Variants in LRP12 observed in about 807,000 individuals in gnomAD.
LRP12 encodes LDL receptor related protein 12.
A neutral mutation model predicts 66.0 loss-of-function variants in LRP12; 14 were observed. The observed-to-expected ratio is 0.21, with a 90% CI of 0.14 to 0.33. LRP12 has a LOEUF of 0.33. LRP12 is among the 10% of genes least tolerant of loss of function. LRP12 has a pLI of 1.00. For missense variants in LRP12, 889 were observed against 1,053.4 expected (o/e 0.84, Z 2.16); for synonymous variants, 357 against 359.1 (o/e 0.99, Z 0.07).
rs754375007 is a variant in LRP12, at chr8:104,491,469, A to G, written c.1784T>C (p.Met595Thr). 1 of 1,614,052 alleles carries G rather than the reference A, an allele frequency of 6.2e-7. No individual in the cohort carries two copies. The highest frequency in any genetic ancestry group is 1.1e-5 in the South Asian group (1 of 91,076). The change falls in exon 7 of 7, where the codon ATG (methionine) becomes ACG (threonine). Residue 595 changes from methionine (M) to threonine (T), a missense_variant. This residue lies in a region of LRP12 where 800 missense variants were observed against 964.5 expected (regional missense o/e 0.83). Transcript: ENST00000276654. ...CCAAATGTTGCTTGATCTGCCTGCC[A>G]TAGGAAGCCTGACTGAAGTAAATCC... The part of the protein sequence containing the change: ...QLGFTSVRLP[M>T]AGRSSNIWNR...
chr8:104,513,314 A>G (rs1811023778), intron 2 of LRP12, among the ~76,000 whole-genome samples: 2 of 152,052 alleles, frequency 1.3e-5, no homozygotes, highest in African/African-American at 4.8e-5. Flanking sequence ...AAACTACTAA[A>G]TTTTTGGGGG....
intron 1 of LRP12, chr8:104,566,014 G>A (rs78753696): frequency 0.021 from 3,853 of 183,544 alleles, 107 homozygotes; most frequent in African/African-American, 0.064. Context: ...GGGAGAGGAC[G>A]CAGCAAAATA....
chr8:104,531,800 AG>A, intron 2 of LRP12, 106 bp downstream of exon 2: 1 of 726,666 alleles, frequency 1.4e-6, no homozygotes, highest in Non-Finnish European at 2.4e-6. Flanking sequence ...TGCAAAAAGC[AG>A]TAATAATTTT....
intron 1 of LRP12, among the ~76,000 whole-genome samples, chr8:104,565,511 C>T (rs1811983494): frequency 6.6e-6 from 1 of 152,148 alleles, no homozygotes; most frequent in Admixed American, 6.5e-5. Context: ...CAAACCATTA[C>T]TCAAACGTGA....
intron 1 of LRP12, among the ~76,000 whole-genome samples, chr8:104,581,472 C>T (rs1381435701): frequency 6.6e-6 from 1 of 151,588 alleles, no homozygotes; most frequent in Non-Finnish European, 1.5e-5. Flanking sequence ...TACAACAAAC[C>T]CCCATGACAC....
chr8:104,540,830 T>C (rs935900624), intron 1 of LRP12, among the ~76,000 whole-genome samples: 66 of 152,292 alleles, frequency 4.3e-4, no homozygotes, highest in African/African-American at 1.2e-3. Flanking sequence ...GACTCCCTGG[T>C]TAAAGCAATT....
intron 2 of LRP12, among the ~76,000 whole-genome samples, chr8:104,526,275 C>G (rs1162725296): frequency 6.6e-6 from 1 of 152,034 alleles, no homozygotes; most frequent in African/African-American, 2.4e-5. Flanking sequence ...TTTATAGATT[C>G]AATGCCATCC....
chr8:104,587,899 TTCAG>T (rs1167663708), intron 1 of LRP12, among the ~76,000 whole-genome samples: 4 of 152,230 alleles, frequency 2.6e-5, no homozygotes, highest in African/African-American at 9.6e-5. Context: ...GAAATACCTA[TTCAG>T]TGTGTTTAAC....
In LRP12 at chr8:104,491,477, C is replaced by T. The variant is rs1373803912; in HGVS notation, c.1776G>A (p.Arg592=). 1 of 1,613,818 alleles carries T rather than the reference C, an allele frequency of 6.2e-7. No individual in the cohort carries two copies. The highest frequency in any genetic ancestry group is 8.5e-7 in the Non-Finnish European group (1 of 1,179,954). The change falls in exon 7 of 7, where the codon AGG becomes AGA. Residue 592 remains arginine, a synonymous_variant. Coordinates refer to ENST00000276654, the MANE Select transcript of LRP12 (RefSeq NM_013437.5). ...TGCTTGATCTGCCTGCCATAGGAAG[C>T]CTGACTGAAGTAAATCCAAGCTGAG... The part of the protein sequence containing the change: ...VRSQLGFTSV[R]LPMAGRSSNI...
At chr8:104,517,393 G>T (rs2140850028) in intron 2 of LRP12, among the ~76,000 whole-genome samples, 1 of 151,948 alleles carries the variant, frequency 6.6e-6, no homozygotes, top group African/African-American at 2.4e-5. Flanking sequence ...TAGAGCCACA[G>T]AAAAGCATAC....
intron 2 of LRP12, among the ~76,000 whole-genome samples, chr8:104,520,570 C>T (rs1039065936): frequency 6.6e-6 from 1 of 151,990 alleles, no homozygotes; most frequent in African/African-American, 2.4e-5. Context: ...TGTCTTTTGT[C>T]AAGGGTGGTA....
At chr8:104,582,305 A>G (rs1812264353) in intron 1 of LRP12, among the ~76,000 whole-genome samples, 1 of 152,194 alleles carries the variant, frequency 6.6e-6, no homozygotes, top group African/African-American at 2.4e-5. Flanking sequence ...GAAAACTAGA[A>G]AACTCTTTTG....
At position 104,490,651 on chromosome 8, in the gene LRP12, A is replaced by G. The variant is rs766774156; in HGVS notation, c.*22T>C. On this transcript the variant is annotated 3_prime_UTR_variant, in exon 7 of 7. Transcript: ENST00000276654. ...TGGATATTGCTCCAACTTGTATACA[A>G]TCTCCCTTATGTGATTCGTACCTAA... 69 of 1,566,342 alleles carry G rather than the reference A, an allele frequency of 4.4e-5. No individual in the cohort carries two copies. The East Asian group carries it at 1.3e-3, about 29-fold the overall frequency.
In LRP12 at chr8:104,497,148, C is replaced by T. The variant is rs2140832172; in HGVS notation, c.1404G>A (p.Trp468Ter). The T allele has an allele frequency of 6.2e-7, 1 of 1,611,490 alleles. No homozygotes were observed. The highest frequency in any genetic ancestry group is 1.1e-5 in the South Asian group (1 of 90,496). The change falls in exon 5 of 7, where the codon TGG becomes TGA. Residue 468 changes from tryptophan to a stop codon, truncating the protein, a stop_gained. Transcript: ENST00000276654. LOFTEE classifies it high-confidence loss of function. This position sits in a 1 kb window ranked among gnomAD's most constrained non-coding sequence, Gnocchi z 4.3. ...CKNNRCVFES[W>*]VCDSQDDCGD... The stretch of plus-strand genomic sequence containing the variant: ...CACAGTCATCTTGAGAATCACACAC[C>T]CAACTTTCAAACACACAACGATTGT...
intron 3 of LRP12, chr8:104,506,364 T>C (rs1810906847): frequency 6.6e-6 from 1 of 152,228 alleles, no homozygotes; most frequent in Non-Finnish European, 1.5e-5. Flanking sequence ...TTAATTTTGT[T>C]TGGCTGTTTT....
chr8:104,547,407 T>TTA (rs1378481823), intron 1 of LRP12, among the ~76,000 whole-genome samples: 1 of 136,226 alleles, frequency 7.3e-6, no homozygotes, highest in African/African-American at 2.7e-5. Context: ...TACAATTCTG[T>TTA]TATATTTTGT....
In LRP12 at chr8:104,587,986, T is replaced by C. The variant is rs77068296; in HGVS notation, c.79+833A>G. ...AGAGATAGATGTTCTTTGCAATTAA[T>C]TCCATTCAGCTCTTGCTCAGACCCC... On this transcript the variant is annotated intron_variant, in intron 1 of 6. Transcript: ENST00000276654. Among the ~76,000 whole-genome samples the C allele has an allele frequency of 5.2e-3, 786 of 152,332 alleles. 12 individuals are homozygous for C. Among genetic ancestry groups the C allele is most frequent in the East Asian group, 0.047 (244 of 5,184 alleles).
intron 1 of LRP12, among the ~76,000 whole-genome samples, chr8:104,588,108 G>A (rs1205211506): frequency 6.6e-6 from 1 of 152,232 alleles, no homozygotes; most frequent in Non-Finnish European, 1.5e-5. Flanking sequence ...AAGTAACAGT[G>A]ACCACAGCGG....
At chr8:104,535,613 G>A (rs34145689) in intron 1 of LRP12, among the ~76,000 whole-genome samples, 10,506 of 151,928 alleles carry the variant, frequency 0.069, 417 homozygotes, top group Middle Eastern at 0.082. Context: ...CCTTACAAGC[G>A]TTCACTCAGC....
Sources: allele counts gnomAD v4.1 joint callset (sites outside exome capture counted in the v4.1 genomes callset), GRCh38; gene constraint gnomAD v4.1.1; regional missense constraint gnomAD v4.1.1; non-coding constraint Gnocchi (gnomAD v3.1); transcripts MANE v1.5; gene names NCBI Gene and HGNC (gene_info 2026-07-23, HGNC 2026-07-21).